The following CCDC178 variants were observed in gnomAD, a reference collection of about 807,000 sequenced individuals.
The protein encoded by CCDC178 is coiled-coil domain containing 178, also known as coiled-coil domain-containing protein 178.
In CCDC178, 126 loss-of-function variants were observed where a neutral mutation model predicts 117.4. The observed-to-expected ratio is 1.07, with a 90% confidence interval of 0.93 to 1.24. CCDC178 has a LOEUF of 1.24. Ranked by LOEUF, CCDC178 falls within the 50% of genes most tolerant of loss-of-function variation. The pLI, the probability that CCDC178 is intolerant of heterozygous loss-of-function variation, is 0.00. For missense variants in CCDC178, 1,030 were observed against 986.9 expected (o/e 1.04, Z -0.59); for synonymous variants, 283 against 313.4 (o/e 0.90, Z 1.02).
chr18:32,958,167 T>G (rs1319661946), intron 22 of CCDC178: 2 of 567,538 alleles, frequency 3.5e-6, no homozygotes, highest in Non-Finnish European at 6.4e-6. Flanking sequence ...AAGTGGTTCA[T>G]AATTATTTTT....
chr18:33,017,830 T>C (rs2056025624), intron 21 of CCDC178, among the ~76,000 whole-genome samples: 1 of 151,758 alleles, frequency 6.6e-6, no homozygotes, highest in Admixed American at 6.6e-5. Context: ...AAAACTAAAC[T>C]ATAAAACCCT....
At chr18:33,304,356 C>T (rs2062220349) in intron 11 of CCDC178, among the ~76,000 whole-genome samples, 1 of 152,132 alleles carries the variant, frequency 6.6e-6, no homozygotes, top group Non-Finnish European at 1.5e-5. Context: ...TATGTTGTTT[C>T]CACACACTGT....
intron 20 of CCDC178, among the ~76,000 whole-genome samples, chr18:33,104,732 G>A (rs1188327869): frequency 6.6e-6 from 1 of 151,722 alleles, no homozygotes; most frequent in African/African-American, 2.4e-5. Context: ...CATAGATGGT[G>A]TAATTCATTA....
In CCDC178 at chr18:32,937,830, G is replaced by C. The variant is rs566685112; in HGVS notation, c.*181C>G. The C allele has an allele frequency of 5.2e-6, 3 of 572,992 alleles. No homozygotes were observed. In the South Asian group the frequency reaches 6.9e-5, roughly 13 times the overall value. 35.5% of individuals were successfully genotyped at this position (572,992 alleles called of 1,614,324 possible). ...CCTGACAGCAGCATGAAAGTCACCT[G>C]TTTCATTGTTATGGATTTGCTGTGA... is the stretch of plus-strand genomic sequence containing the variant. On this transcript the variant is annotated 3_prime_UTR_variant, in exon 23 of 23. Transcript: ENST00000383096.
intron 21 of CCDC178, among the ~76,000 whole-genome samples, chr18:33,024,248 A>G (rs1274206018): frequency 6.6e-6 from 1 of 152,228 alleles, no homozygotes; most frequent in Non-Finnish European, 1.5e-5. Context: ...CAGACTGGGT[A>G]GCTTAAACAA....
At chr18:33,222,222 CCCTT>C (rs1359034070) in intron 18 of CCDC178, among the ~76,000 whole-genome samples, 6 of 150,360 alleles carry the variant, frequency 4.0e-5, no homozygotes, top group East Asian at 2.0e-4. Context: ...CTTCCTCCCT[CCCTT>C]CCTTTCTTCC....
rs2059305758 is a variant in CCDC178 at position 33,226,646 on chromosome 18, A to C, written c.1656+147T>G. On this transcript the variant is annotated intron_variant, in intron 16 of 22. Coordinates refer to ENST00000383096, the MANE Select transcript of CCDC178 (RefSeq NM_001105528.4). ...TGATCAGACACTGCTGGTTGTACACAGAGGGCAACTGCCATCAGCTAAGGA... is the reference window on the plus strand; with the variant it reads ...TGATCAGACACTGCTGGTTGTACACCGAGGGCAACTGCCATCAGCTAAGGA... 5 of 492,520 alleles carry C rather than the reference A, an allele frequency of 1.0e-5. No individual in the cohort carries two copies. The South Asian group carries it at 1.4e-4, about 14-fold the overall frequency. The allele number at this position is 492,520 out of a possible 1,614,324, so 30.5% of individuals were successfully genotyped here.
intron 5 of CCDC178, among the ~76,000 whole-genome samples, chr18:33,372,546 A>G (rs1568183279): frequency 6.6e-6 from 1 of 152,090 alleles, no homozygotes; most frequent in African/African-American, 2.4e-5. Context: ...GTGTGAGTAT[A>G]TTAAGAATTA....
At chr18:33,009,719 T>G (rs2055824123) in intron 21 of CCDC178, among the ~76,000 whole-genome samples, 1 of 152,184 alleles carries the variant, frequency 6.6e-6, no homozygotes, top group East Asian at 1.9e-4. Context: ...AACAAGAATG[T>G]CTGTTTTATT....
At chr18:33,348,858 T>C in intron 8 of CCDC178, 32 bp downstream of exon 8, 1 of 1,341,532 alleles carries the variant, frequency 7.5e-7, no homozygotes, top group South Asian at 1.2e-5. Flanking sequence ...TTTAAATATA[T>C]ACAGTTATTC....
At chr18:33,002,845 A>C (rs1487091578) in intron 21 of CCDC178, among the ~76,000 whole-genome samples, 3 of 152,184 alleles carry the variant, frequency 2.0e-5, no homozygotes, top group Non-Finnish European at 4.4e-5. Context: ...AAAAGGAGAC[A>C]TTACAACTAA....
chr18:33,223,590 A>C (rs1365046242), intron 17 of CCDC178, among the ~76,000 whole-genome samples: 1 of 152,164 alleles, frequency 6.6e-6, no homozygotes, highest in Non-Finnish European at 1.5e-5. Context: ...TGTGTGCTAA[A>C]TTATTAATTC....
intron 21 of CCDC178, among the ~76,000 whole-genome samples, chr18:33,091,364 T>A (rs1373376484): frequency 8.9e-6 from 1 of 112,572 alleles, no homozygotes; most frequent in Non-Finnish European, 1.8e-5. Context: ...TGAGACGGAG[T>A]CTCACTCTGT....
rs187231711 is a variant in CCDC178 at position 32,944,169 on chromosome 18, G to A, written c.2524-6078C>T. ...GAAATAACTAGTTTATCACAACACA[G>A]GATGTGATATGGTCACAGAAAAGTG... On this transcript the variant is annotated intron_variant, in intron 22 of 22. Coordinates refer to ENST00000383096, the MANE Select transcript of CCDC178 (RefSeq NM_001105528.4). Among the ~76,000 whole-genome samples, 6 of 152,226 alleles carry A rather than the reference G, an allele frequency of 3.9e-5. No homozygotes were observed. The East Asian group carries it at 9.7e-4, about 25-fold the overall frequency.
intron 21 of CCDC178, among the ~76,000 whole-genome samples, chr18:32,987,676 T>C (rs1446170127): frequency 6.6e-6 from 1 of 152,216 alleles, no homozygotes; most frequent in African/African-American, 2.4e-5. Context: ...GCAAGCCTTT[T>C]ATTACAATGA....
At chr18:33,309,939 T>TTTTATTTA (rs138569090) in intron 11 of CCDC178, among the ~76,000 whole-genome samples, 6 of 141,200 alleles carry the variant, frequency 4.2e-5, no homozygotes, top group South Asian at 2.2e-4. Context: ...TTTTCTTTTC[T>TTTTATTTA]TTTATTTATT....
chr18:33,148,586 T>C (rs574355662), intron 20 of CCDC178, among the ~76,000 whole-genome samples: 2 of 152,260 alleles, frequency 1.3e-5, no homozygotes, highest in South Asian at 4.1e-4. Flanking sequence ...AGAATTCCTA[T>C]GAATTCTGCT....
At chr18:33,034,642 G>A (rs1400693034) in intron 21 of CCDC178, among the ~76,000 whole-genome samples, 1 of 151,934 alleles carries the variant, frequency 6.6e-6, no homozygotes, top group Non-Finnish European at 1.5e-5. Context: ...AGGCTGATTG[G>A]CATGCCCCTC....
intron 20 of CCDC178, among the ~76,000 whole-genome samples, chr18:33,179,394 C>G (rs917064404): frequency 3.3e-5 from 5 of 151,206 alleles, no homozygotes; most frequent in Non-Finnish European, 5.9e-5. Flanking sequence ...ATTAACTAGT[C>G]TTAATTCAAA....
Sources: allele counts gnomAD v4.1 joint callset (sites outside exome capture counted in the v4.1 genomes callset), GRCh38; gene constraint gnomAD v4.1.1; transcripts MANE v1.5; gene names NCBI Gene and HGNC (gene_info 2026-07-23, HGNC 2026-07-21).